OGFOD1: variants seen among roughly 807,000 people sequenced by gnomAD.
OGFOD1 encodes the protein prolyl 3-hydroxylase OGFOD1.
In OGFOD1, 54 loss-of-function variants were observed where a neutral mutation model predicts 67.7. The ratio of observed to expected loss-of-function variants is 0.80; its 90% confidence interval spans 0.64 to 1.00. The LOEUF is 1.00. Ranked by LOEUF, OGFOD1 falls within the 50% of genes least tolerant of loss-of-function variation. The pLI, the probability that OGFOD1 is intolerant of heterozygous loss-of-function variation, is 0.00. For synonymous variants in OGFOD1, 221 were observed against 227.0 expected (o/e 0.97, Z 0.24); for missense variants, 606 against 646.7 (o/e 0.94, Z 0.68).
At chr16:56,471,416 T>C (rs1362198151) in intron 10 of OGFOD1, among the ~76,000 whole-genome samples, 1 of 151,076 alleles carries the variant, frequency 6.6e-6, no homozygotes, top group Non-Finnish European at 1.5e-5. Flanking sequence ...GAATAGATGA[T>C]TTAGAAAAGT....
At chr16:56,472,453 C>T (rs1393183022) in intron 10 of OGFOD1, among the ~76,000 whole-genome samples, 1 of 152,122 alleles carries the variant, frequency 6.6e-6, no homozygotes, top group Non-Finnish European at 1.5e-5. Flanking sequence ...TCACTGTTTA[C>T]GAAGTTTACC....
chr16:56,471,311 G>A (rs931461787), intron 10 of OGFOD1, among the ~76,000 whole-genome samples: 4 of 150,804 alleles, frequency 2.7e-5, no homozygotes, highest in Admixed American at 6.6e-5. Context: ...GCAGTGAGTC[G>A]AGATTGCACC....
chr16:56,451,877 C>A (rs1596961479), intron 1 of OGFOD1, 111 bp downstream of exon 1: 1 of 1,268,546 alleles, frequency 7.9e-7, no homozygotes, highest in East Asian at 2.5e-5. Flanking sequence ...GGAAGAGGCT[C>A]TTAGAGGACT....
chr16:56,476,880 C>T lies in OGFOD1; in HGVS notation c.*675C>T, dbSNP rs1398676240. On this transcript the variant is annotated 3_prime_UTR_variant, in exon 13 of 13. Coordinates refer to ENST00000566157, the MANE Select transcript of OGFOD1 (RefSeq NM_018233.4). ...GCATGGTGGCTCACGCCTGTAATCC[C>T]AGCACTTGGGAGGCCAAGGCAGGCG... 1 of 152,306 alleles carries T rather than the reference C, an allele frequency of 6.6e-6. No homozygotes were observed. Among genetic ancestry groups the T allele is most frequent in the Non-Finnish European group, 1.5e-5 (1 of 68,122 alleles). The allele number at this position is 152,306 out of a possible 1,614,324, so 9.4% of individuals were successfully genotyped here.
intron 2 of OGFOD1, 172 bp from the exon 3 acceptor site, chr16:56,458,376 C>T: frequency 1.6e-6 from 1 of 642,488 alleles, no homozygotes; most frequent in Middle Eastern, 2.5e-4. Context: ...AATAACTTGT[C>T]AAGTCACAGA....
Position 56,476,390 on chromosome 16 carries a change from A to C in OGFOD1, c.*185A>C. 2.5e-6 allele frequency: 1 copy of C among 396,276 alleles called. No individual in the cohort carries two copies. The highest frequency in any genetic ancestry group is 4.4e-6 in the Non-Finnish European group (1 of 229,734). The allele number at this position is 396,276 out of a possible 1,614,324, so 24.5% of individuals were successfully genotyped here. On this transcript the variant is annotated 3_prime_UTR_variant, in exon 13 of 13. Transcript: ENST00000566157. ...CGAGACCTTGAGCTTGCAGCTAAGTACTTATCTCTTGATTAAAAAAAAAAA... is the reference window on the plus strand; with the variant it reads ...CGAGACCTTGAGCTTGCAGCTAAGTCCTTATCTCTTGATTAAAAAAAAAAA...
At chr16:56,462,491 C>G in intron 3 of OGFOD1, 43 bp from the exon 4 acceptor site, 1 of 1,268,214 alleles carries the variant, frequency 7.9e-7, no homozygotes, top group Non-Finnish European at 1.2e-6. Context: ...GACCTAGATC[C>G]CACACTGTGG....
chr16:56,458,545 A>T lies in OGFOD1; in HGVS notation c.301-3A>T. 1 of 1,612,900 alleles carries T rather than the reference A, an allele frequency of 6.2e-7. No individual in the cohort carries two copies. On this transcript the variant is annotated splice_polypyrimidine_tract_variant and splice_region_variant and intron_variant, in intron 2 of 12. Transcript: ENST00000566157. ...CTTTTTTTTCTCTATTTTCATGATC[A>T]AGTCTGATGATTTGAAGAAGAGAAG...
At chr16:56,456,516 A>G (rs1334389635) in intron 2 of OGFOD1, among the ~76,000 whole-genome samples, 9 of 152,216 alleles carry the variant, frequency 5.9e-5, no homozygotes, top group Admixed American at 1.3e-4. Context: ...GGCTCAGGCC[A>G]AAAAGGAGGT....
Position 56,468,032 on chromosome 16 carries a change from ATGT to A in OGFOD1, c.900+19_900+21del, listed in dbSNP as rs775167665. The A allele has an allele frequency of 5.9e-5, 78 of 1,327,516 alleles. No individual in the cohort carries two copies. The highest frequency in any genetic ancestry group is 8.3e-5 in the Non-Finnish European group (76 of 920,306). 82.2% of individuals were successfully genotyped at this position (1,327,516 alleles called of 1,614,324 possible). ...GAGTTTCTTAAGGTAAGCTTAGCGT[ATGT>A]TGTTCTGAATATTTTGTTTGGCATG... On this transcript the variant is annotated intron_variant, in intron 8 of 12. Coordinates refer to ENST00000566157, the MANE Select transcript of OGFOD1 (RefSeq NM_018233.4).
chr16:56,466,767 T>C, intron 5 of OGFOD1, 109 bp from the exon 6 acceptor site: 2 of 784,662 alleles, frequency 2.5e-6, no homozygotes, highest in South Asian at 1.5e-5. Context: ...TTTCAGGGTC[T>C]GAAGGGCACA....
chr16:56,470,797 C>T lies in OGFOD1; in HGVS notation c.1285+6C>T, dbSNP rs201458526. On this transcript the variant is annotated splice_donor_region_variant and intron_variant, in intron 10 of 12. Transcript: ENST00000566157. The stretch of plus-strand genomic sequence containing the variant: ...GGAAAATGAAACAAAGAAAGGTAAG[C>T]TGTTGTTAGGATTTGTCCTTACTTA... The T allele has an allele frequency of 3.9e-5, 62 of 1,576,934 alleles. No homozygotes were observed. Among genetic ancestry groups the T allele is most frequent in the Non-Finnish European group, 5.0e-5 (58 of 1,163,470 alleles).
At chr16:56,455,227 C>T (rs1962485122) in intron 2 of OGFOD1, among the ~76,000 whole-genome samples, 1 of 151,966 alleles carries the variant, frequency 6.6e-6, no homozygotes, top group Non-Finnish European at 1.5e-5. Flanking sequence ...ATTAGCCAGG[C>T]GTGGTGGCAC....
intron 1 of OGFOD1, 100 bp downstream of exon 1, chr16:56,451,866 G>A (rs754432484): frequency 3.1e-5 from 43 of 1,376,384 alleles, no homozygotes; most frequent in Non-Finnish European, 3.8e-5. Flanking sequence ...GGGGCCGCAA[G>A]GGAAGAGGCT....
At chr16:56,452,716 G>T (rs952112733) in intron 1 of OGFOD1, among the ~76,000 whole-genome samples, 10 of 152,178 alleles carry the variant, frequency 6.6e-5, no homozygotes, top group African/African-American at 2.4e-4. Flanking sequence ...CTGGTAGGTG[G>T]TGCTGATGAT....
chr16:56,478,144 A>G lies in OGFOD1; in HGVS notation c.*1939A>G, dbSNP rs1388144038. On this transcript the variant is annotated 3_prime_UTR_variant, in exon 13 of 13. Transcript: ENST00000566157. ...ATGGTAACGAACCATTTTACACCAT[A>G]CTATTTTGGAGACCACAATTTTTTT... 2.6e-5 allele frequency: 4 copies of G among 152,078 alleles called. No homozygotes were observed. Among genetic ancestry groups the G allele is most frequent in the African/African-American group, 7.2e-5 (3 of 41,402 alleles). 9.4% of individuals were successfully genotyped at this position (152,078 alleles called of 1,614,324 possible).
intron 9 of OGFOD1, 114 bp downstream of exon 9, chr16:56,470,196 C>A (rs572048743): frequency 4.4e-6 from 4 of 901,686 alleles, no homozygotes; most frequent in African/African-American, 3.4e-5. Flanking sequence ...TGATGACAGG[C>A]AGTTCATGAA....
At chr16:56,472,854 TAAC>T (rs747400959) in intron 10 of OGFOD1, among the ~76,000 whole-genome samples, 2 of 152,212 alleles carry the variant, frequency 1.3e-5, no homozygotes, top group Non-Finnish European at 2.9e-5. Context: ...ACATCCTTTA[TAAC>T]AATAGAACAG....
At position 56,462,595 on chromosome 16, in the gene OGFOD1, T is replaced by TCAA. The variant is rs1567548148; in HGVS notation, c.411_413dup (p.Thr138dup). The TCAA allele has an allele frequency of 1.2e-6, 2 of 1,612,742 alleles. No individual in the cohort carries two copies. The highest frequency in any genetic ancestry group is 1.7e-6 in the Non-Finnish European group (2 of 1,178,866). On this transcript the variant is annotated inframe_insertion, in exon 4 of 13. Coordinates refer to ENST00000566157, the MANE Select transcript of OGFOD1 (RefSeq NM_018233.4). ...TGATATTTCTAAAATTGACCTGGAA[T>TCAA]CAACCATTGACATGTCCTGTGCTAA... is the stretch of plus-strand genomic sequence containing the variant.
Sources: allele counts gnomAD v4.1 joint callset (sites outside exome capture counted in the v4.1 genomes callset), GRCh38; gene constraint gnomAD v4.1.1; transcripts MANE v1.5; gene names NCBI Gene and HGNC (gene_info 2026-07-23, HGNC 2026-07-21).